Variants in UBE2E2 observed in about 807,000 individuals in gnomAD.
UBE2E2 encodes ubiquitin-conjugating enzyme E2 E2.
Under a neutral mutation model 24.7 loss-of-function variants are expected in UBE2E2, and 6 were observed. That is an observed-to-expected ratio of 0.24 (90% CI 0.13 to 0.48). The LOEUF (loss-of-function observed/expected upper bound fraction) is 0.48, where lower values mean the gene tolerates loss of function less well. Ranked by LOEUF, UBE2E2 falls within the 20% of genes least tolerant of loss-of-function variation. The pLI, the probability that UBE2E2 is intolerant of heterozygous loss-of-function variation, is 0.99. For missense variants in UBE2E2, 169 were observed against 245.0 expected, an observed-to-expected ratio of 0.69 and a Z score of 2.07; for synonymous variants, 104 against 83.6, an observed-to-expected ratio of 1.24 and a Z score of -1.33.
At chr3:23,226,972 C>T in intron 3 of UBE2E2, among the ~76,000 whole-genome samples, 1 of 81,712 alleles carries the variant, frequency 1.2e-5, no homozygotes, top group African/African-American at 4.7e-5. Context: ...CCATGAAGAC[C>T]AAAAAAAAAA....
chr3:23,560,607 G>A (rs924778025), intron 5 of UBE2E2, among the ~76,000 whole-genome samples: 1 of 151,916 alleles, frequency 6.6e-6, no homozygotes, highest in Non-Finnish European at 1.5e-5. Context: ...GGGTCAAATG[G>A]TATTTCTAGT....
intron 3 of UBE2E2, among the ~76,000 whole-genome samples, chr3:23,355,329 C>T (rs1006421851): frequency 7.9e-5 from 12 of 151,904 alleles, no homozygotes; most frequent in South Asian, 2.1e-4. Flanking sequence ...TGTATACATA[C>T]GTAACCTGTA....
chr3:23,569,488 A>G (rs1489155600), intron 5 of UBE2E2, among the ~76,000 whole-genome samples: 2 of 152,232 alleles, frequency 1.3e-5, no homozygotes, highest in African/African-American at 4.8e-5. Context: ...TGTGAATTAC[A>G]TCTCAATAAA....
chr3:23,274,450 A>G (rs1427765792), intron 3 of UBE2E2, among the ~76,000 whole-genome samples: 3 of 151,882 alleles, frequency 2.0e-5, no homozygotes, highest in Non-Finnish European at 4.4e-5. Flanking sequence ...ACTGCATCCT[A>G]GCTCAGCAGA....
intron 3 of UBE2E2, among the ~76,000 whole-genome samples, chr3:23,221,905 G>T (rs550868446): frequency 6.6e-6 from 1 of 152,092 alleles, no homozygotes; most frequent in Non-Finnish European, 1.5e-5. Flanking sequence ...TTTAATTGAG[G>T]TAAAATATAC....
In UBE2E2 at chr3:23,228,401, A is replaced by T. The variant is rs776317173; in HGVS notation, c.227+11089A>T. On this transcript the variant is annotated intron_variant, in intron 3 of 5. Coordinates refer to ENST00000396703, the MANE Select transcript of UBE2E2 (RefSeq NM_152653.4). ...TATATCTAGTTATTATTTCAGATTT[A>T]TTAACTAAGCACTTTAGAGATAGGA... Among the ~76,000 whole-genome samples the T allele has an allele frequency of 1.4e-4, 21 of 152,182 alleles. 1 individual carries two copies. The highest frequency in any genetic ancestry group is 9.2e-4 in the Admixed American group (14 of 15,272).
chr3:23,326,626 C>G (rs1475580447), intron 3 of UBE2E2, among the ~76,000 whole-genome samples: 2 of 152,146 alleles, frequency 1.3e-5, no homozygotes, highest in Non-Finnish European at 2.9e-5. Context: ...GTAGTTTTGA[C>G]TTGAGATTTT....
Position 23,407,305 on chromosome 3 carries a change from A to G in UBE2E2, c.228-92303A>G, listed in dbSNP as rs919675805. Among the ~76,000 whole-genome samples, 1 of 152,108 alleles carries G rather than the reference A, an allele frequency of 6.6e-6. No homozygotes were observed. Among genetic ancestry groups the G allele is most frequent in the Non-Finnish European group, 1.5e-5 (1 of 68,014 alleles). On this transcript the variant is annotated intron_variant, in intron 3 of 5. Coordinates refer to ENST00000396703, the MANE Select transcript of UBE2E2 (RefSeq NM_152653.4). This position sits in a 1 kb window ranked among gnomAD's most constrained non-coding sequence, Gnocchi z 4.0. ...GATGACATCTGAGACAACCTGGTAT[A>G]AACAGCCCTAGTCTAGCTGCTACAC... is the stretch of plus-strand genomic sequence containing the variant.
chr3:23,529,554 A>G (rs1341803358), intron 4 of UBE2E2, among the ~76,000 whole-genome samples: 2 of 152,234 alleles, frequency 1.3e-5, no homozygotes, highest in Admixed American at 1.3e-4. Flanking sequence ...TCCACTTACC[A>G]CTTGTGGGAT....
chr3:23,565,541 T>C (rs1384297707), intron 5 of UBE2E2, among the ~76,000 whole-genome samples: 2 of 140,574 alleles, frequency 1.4e-5, no homozygotes, highest in African/African-American at 5.4e-5. Context: ...CAGAGGCCAG[T>C]GCAACAGGGC....
chr3:23,260,319 T>C (rs1019698422), intron 3 of UBE2E2, among the ~76,000 whole-genome samples: 1 of 152,234 alleles, frequency 6.6e-6, no homozygotes, highest in African/African-American at 2.4e-5. Flanking sequence ...CAAATTGTAC[T>C]TGAATTATTT....
chr3:23,436,016 AG>A (rs1445921053), intron 3 of UBE2E2, among the ~76,000 whole-genome samples: 1 of 152,118 alleles, frequency 6.6e-6, no homozygotes, highest in Non-Finnish European at 1.5e-5. Flanking sequence ...AGTTCACAAT[AG>A]GATCCCCACT....
chr3:23,302,292 T>G (rs752917466), intron 3 of UBE2E2, among the ~76,000 whole-genome samples: 13 of 152,244 alleles, frequency 8.5e-5, no homozygotes, highest in Non-Finnish European at 1.8e-4. Context: ...GACTATATAA[T>G]ATTTCCCTTA....
At chr3:23,515,434 A>G (rs1348696676) in intron 4 of UBE2E2, among the ~76,000 whole-genome samples, 1 of 152,156 alleles carries the variant, frequency 6.6e-6, no homozygotes, top group Non-Finnish European at 1.5e-5. Flanking sequence ...GATGGATGAT[A>G]GAATTTCAAT....
chr3:23,222,877 T>C (rs1337660508), intron 3 of UBE2E2, among the ~76,000 whole-genome samples: 2 of 152,174 alleles, frequency 1.3e-5, no homozygotes, highest in East Asian at 3.9e-4. Context: ...CTTGCCAGCA[T>C]CCGCTATTGC....
At position 23,203,587 on chromosome 3, in the gene UBE2E2, A is replaced by G. The variant is rs547344337; in HGVS notation, c.-9+123A>G. Reference sequence around the variant, plus strand: ...TCTCTGCTTACACCGCTCGTGCCCTAGTTCCCTCCTTCCTCGCTCCCCGTG... The same window carrying G: ...TCTCTGCTTACACCGCTCGTGCCCTGGTTCCCTCCTTCCTCGCTCCCCGTG... On this transcript the variant is annotated intron_variant, in intron 1 of 5. Coordinates refer to ENST00000396703, the MANE Select transcript of UBE2E2 (RefSeq NM_152653.4). The G allele has an allele frequency of 2.5e-3, 1,321 of 536,172 alleles. 17 individuals carry two copies. In the African/African-American group the frequency reaches 0.027, roughly 11 times the overall value. The allele number at this position is 536,172 out of a possible 1,614,324, so 33.2% of individuals were successfully genotyped here.
rs780417432 is a variant in UBE2E2 at position 23,410,066 on chromosome 3, C to G, written c.228-89542C>G. On this transcript the variant is annotated intron_variant, in intron 3 of 5. Coordinates refer to ENST00000396703, the MANE Select transcript of UBE2E2 (RefSeq NM_152653.4). ...TCTGGGGGTTAAGACTTGAACATAT[C>G]TTTTTGAGGGACACAGTTCAACCCA... is the stretch of plus-strand genomic sequence containing the variant. Among the ~76,000 whole-genome samples the G allele has an allele frequency of 9.9e-5, 15 of 152,116 alleles. 1 individual carries two copies. The highest frequency in any genetic ancestry group is 1.9e-4 in the Non-Finnish European group (13 of 68,022).
chr3:23,571,507 C>G (rs1696230411), intron 5 of UBE2E2, among the ~76,000 whole-genome samples: 1 of 151,670 alleles, frequency 6.6e-6, no homozygotes, highest in Admixed American at 6.6e-5. Context: ...TCAGACTGGT[C>G]TCAAACTCCT....
At chr3:23,235,086 G>GA in intron 3 of UBE2E2, among the ~76,000 whole-genome samples, 1 of 152,326 alleles carries the variant, frequency 6.6e-6, no homozygotes, top group East Asian at 1.9e-4. Context: ...TTATGAACAA[G>GA]ATGGAAGGCA....
Sources: allele counts gnomAD v4.1 joint callset (sites outside exome capture counted in the v4.1 genomes callset), GRCh38; gene constraint gnomAD v4.1.1; non-coding constraint Gnocchi (gnomAD v3.1); transcripts MANE v1.5; gene names NCBI Gene and HGNC (gene_info 2026-07-23, HGNC 2026-07-21).